HOMER2: variants seen among roughly 807,000 people sequenced by gnomAD.
HOMER2 encodes the protein homer scaffold protein 2.
HOMER2 carries 27 observed loss-of-function variants against 47.0 expected under a neutral mutation model. That is an observed-to-expected ratio of 0.57 (90% CI 0.42 to 0.79). The LOEUF is 0.79. Ranked by LOEUF, HOMER2 falls within the 30% of genes least tolerant of loss-of-function variation. HOMER2 has a pLI of 0.00. For synonymous variants in HOMER2, 161 were observed against 163.8 expected, an observed-to-expected ratio of 0.98 and a Z score of 0.13; for missense variants, 443 against 435.0, an observed-to-expected ratio of 1.02 and a Z score of -0.16.
exon 2 of HOMER2, chr15:82,842,458 CTAATTT>C (rs2051185567): frequency 1.5e-5 from 2 of 131,214 alleles, no homozygotes; most frequent in Admixed American, 1.6e-4. Context: ...CCACAGCCAG[CTAATTT>C]TTTTTTTTTT....
chr15:82,896,421 CT>C (rs1239361059), intron 1 of HOMER2, among the ~76,000 whole-genome samples: 8 of 152,228 alleles, frequency 5.3e-5, no homozygotes, highest in Non-Finnish European at 1.2e-4. Flanking sequence ...ATCTCCAAAT[CT>C]GCCTGCTCAG....
At position 82,940,391 on chromosome 15, in the gene HOMER2, G is replaced by C. The variant is rs1454981936; in HGVS notation, c.5+12140C>G. Among the ~76,000 whole-genome samples, 3 of 152,258 alleles carry C rather than the reference G, an allele frequency of 2.0e-5. No individual in the cohort carries two copies. In the East Asian group the frequency reaches 5.8e-4, roughly 29 times the overall value. The stretch of plus-strand genomic sequence containing the variant: ...CCTGCAAGGCGGGAGGATTGCTCAG[G>C]AGATCAAGACCAGCCTGAGCAACAT... On this transcript the variant is annotated intron_variant, in intron 1 of 8. Coordinates refer to ENST00000450735, the MANE Select transcript of HOMER2 (RefSeq NM_004839.4).
chr15:82,929,369 T>C (rs1370075775), intron 1 of HOMER2, among the ~76,000 whole-genome samples: 1 of 151,986 alleles, frequency 6.6e-6, no homozygotes, highest in African/African-American at 2.4e-5. Context: ...AAGAAATCCA[T>C]AGGAGGCCAG....
intron 1 of HOMER2, among the ~76,000 whole-genome samples, chr15:82,975,254 T>C (rs1172603888): frequency 6.6e-6 from 1 of 152,170 alleles, no homozygotes; most frequent in Non-Finnish European, 1.5e-5. Flanking sequence ...CCTCATACAT[T>C]GTTGGTGGGA....
In HOMER2 at chr15:82,873,318, T is replaced by C. The variant is rs2052238332; in HGVS notation, c.294+1955A>G. Among the ~76,000 whole-genome samples, 3 of 152,308 alleles carry C rather than the reference T, an allele frequency of 2.0e-5. 1 individual carries two copies. In the South Asian group the frequency reaches 6.2e-4, roughly 32 times the overall value. ...AATAGATACTGTGGACCGCCATGCC[T>C]CTGCCAGCCCTATCAGCCAAAGATT... On this transcript the variant is annotated intron_variant, in intron 3 of 8. Coordinates refer to ENST00000450735, the MANE Select transcript of HOMER2 (RefSeq NM_004839.4).
At chr15:82,901,315 A>G (rs55633961) in intron 1 of HOMER2, among the ~76,000 whole-genome samples, 91,007 of 152,026 alleles carry the variant, frequency 0.6, 27,708 homozygotes, top group African/African-American at 0.71. Flanking sequence ...GGTGCAGAGG[A>G]GGAGGTAAGG....
upstream of HOMER2, chr15:82,952,734 C>T (rs2054537194): frequency 7.1e-6 from 7 of 979,796 alleles, no homozygotes; most frequent in Non-Finnish European, 8.5e-6. Context: ...CGGGCGGGGG[C>T]TGGGCGGCCG....
chr15:82,958,207 A>G (rs2054602008), exon 2 of HOMER2: 1 of 152,222 alleles, frequency 6.6e-6, no homozygotes, highest in African/African-American at 2.4e-5. Context: ...TAAGCTAAAT[A>G]TAATGTAACC....
chr15:82,914,704 G>A (rs2053538718), intron 1 of HOMER2, among the ~76,000 whole-genome samples: 1 of 152,138 alleles, frequency 6.6e-6, no homozygotes, highest in African/African-American at 2.4e-5. Flanking sequence ...TGATTTAGGT[G>A]GTACATTTTA....
At chr15:82,905,586 C>A (rs998996665) in intron 1 of HOMER2, among the ~76,000 whole-genome samples, 1 of 152,084 alleles carries the variant, frequency 6.6e-6, no homozygotes. Flanking sequence ...GAAAGAAACA[C>A]CTTACCTACA....
intron 3 of HOMER2, among the ~76,000 whole-genome samples, chr15:82,869,322 C>T (rs74514980): frequency 6.6e-6 from 1 of 151,974 alleles, no homozygotes; most frequent in African/African-American, 2.4e-5. Context: ...ATTTTTCTGT[C>T]TGTATATTTG....
At chr15:82,985,266 G>T (rs1171590228) in intron 1 of HOMER2, among the ~76,000 whole-genome samples, 2 of 152,078 alleles carry the variant, frequency 1.3e-5, no homozygotes, top group African/African-American at 4.8e-5. Flanking sequence ...TAATCTACAG[G>T]CAACAGAGAG....
At chr15:82,904,481 C>T (rs148303790) in intron 1 of HOMER2, among the ~76,000 whole-genome samples, 29 of 152,236 alleles carry the variant, frequency 1.9e-4, no homozygotes, top group African/African-American at 7.0e-4. Flanking sequence ...GAGAAAAATC[C>T]CCTCGTGCTT....
chr15:82,910,908 T>C (rs2053435213), intron 1 of HOMER2, among the ~76,000 whole-genome samples: 1 of 144,756 alleles, frequency 6.9e-6, no homozygotes, highest in African/African-American at 2.7e-5. Flanking sequence ...ACACAACTTT[T>C]CCGTTTCTCT....
chr15:82,859,871 A>C (rs2051715720), intron 4 of HOMER2, among the ~76,000 whole-genome samples: 1 of 152,212 alleles, frequency 6.6e-6, no homozygotes, highest in African/African-American at 2.4e-5. Context: ...AATTTCAAAA[A>C]AAACACCATA....
At chr15:82,982,820 T>C (rs968426462) in intron 1 of HOMER2, among the ~76,000 whole-genome samples, 26 of 152,218 alleles carry the variant, frequency 1.7e-4, no homozygotes, top group Admixed American at 1.3e-4. Flanking sequence ...GCATTTTTCT[T>C]AGTTTTTCAA....
exon 2 of HOMER2, chr15:82,837,100 G>T (rs76265658): frequency 0.016 from 2,449 of 152,454 alleles, 43 homozygotes; most frequent in Middle Eastern, 0.065. Flanking sequence ...TCTAGAGGTT[G>T]CCCCTGTTCC....
intron 1 of HOMER2, among the ~76,000 whole-genome samples, chr15:82,896,041 A>C (rs7496832): frequency 0.094 from 14,371 of 152,232 alleles, 942 homozygotes; most frequent in Middle Eastern, 0.21. Context: ...ACTGAATGAC[A>C]CAGGGAGACT....
chr15:82,913,707 C>G lies in HOMER2; in HGVS notation c.6-20866G>C, dbSNP rs76197579. ...TTGCTGCAGTCCCTCCATCCTGGAC[C>G]CTTCCTCCAGAATCCCCCACTGCCA... On this transcript the variant is annotated intron_variant, in intron 1 of 8. Transcript: ENST00000450735. This position sits in a 1 kb window ranked among gnomAD's most constrained non-coding sequence, Gnocchi z 4.1. Among the ~76,000 whole-genome samples, 360 of 152,276 alleles carry G rather than the reference C, an allele frequency of 2.4e-3. 2 individuals carry two copies. Among genetic ancestry groups the G allele is most frequent in the Non-Finnish European group, 3.4e-3 (229 of 68,036 alleles).
Sources: gnomAD v4.1 joint callset for allele counts (sites outside exome capture counted in the v4.1 genomes callset) on GRCh38, gnomAD v4.1.1 for gene constraint, Gnocchi (gnomAD v3.1) non-coding constraint, MANE v1.5 for transcripts, NCBI Gene and HGNC (gene_info 2026-07-23, HGNC 2026-07-21) for gene names.